Variants in ZNF337 observed in about 807,000 individuals in gnomAD.
ZNF337 encodes zinc finger protein 337.
In ZNF337, 8 loss-of-function variants were observed where a neutral mutation model predicts 12.1. The ratio of observed to expected loss-of-function variants is 0.66; its 90% CI spans 0.39 to 1.19. ZNF337 has a LOEUF of 1.19. ZNF337 is among the 50% of genes most tolerant of loss of function. The pLI is 0.01. For synonymous variants in ZNF337, 336 were observed against 320.0 expected (o/e 1.05, Z -0.53); for missense variants, 882 against 896.6 (o/e 0.98, Z 0.21).
chr20:25,677,370 AC>A (rs769086960), intron 4 of ZNF337: 7 of 224,234 alleles, frequency 3.1e-5, no homozygotes, highest in Non-Finnish European at 6.1e-5. Flanking sequence ...AAAAGATAAT[AC>A]ACCATGATCA....
chr20:25,676,278 A>G lies in ZNF337; in HGVS notation c.1010T>C (p.Val337Ala), dbSNP rs764440181. The change falls in exon 5 of 5, where the codon GTG (valine) becomes GCG (alanine). Residue 337 changes from valine to alanine, a missense_variant. Coordinates refer to ENST00000252979, the MANE Select transcript of ZNF337 (RefSeq NM_015655.4). Reference sequence around the variant, plus strand: ...CTCTCCTGAGTGTATTCTCTTGTGCACAACGAAGTATGACTTATTAGTATA... The same window carrying G: ...CTCTCCTGAGTGTATTCTCTTGTGCGCAACGAAGTATGACTTATTAGTATA... ...RGYTNKSYFV[V>A]HKRIHSGEKP... is the part of the protein sequence containing the mutation. 5.0e-6 allele frequency: 8 copies of G among 1,610,910 alleles called. No homozygotes were observed. The highest frequency in any genetic ancestry group is 5.9e-6 in the Non-Finnish European group (7 of 1,179,220).
In ZNF337 at chr20:25,686,059, G is replaced by A. The variant is rs1212183243; in HGVS notation, c.91C>T (p.Pro31Ser). 2 of 1,614,072 alleles carry A rather than the reference G, an allele frequency of 1.2e-6. No homozygotes were observed. The highest frequency in any genetic ancestry group is 1.7e-6 in the Non-Finnish European group (2 of 1,179,994). Residue 31 changes from proline to serine, a missense_variant, in exon 3 of 5, where the codon CCT becomes TCT. Physicochemically the swap from Pro to Ser is moderately conservative, Grantham distance 74. Transcript: ENST00000252979. The stretch of plus-strand genomic sequence containing the variant: ...TCCCTGTACAGGGCCCTCTGAGCAG[G>A]GCTCAGCAGCCTCCATTCCTTCTGG... ...FTQKEWRLLS[P>S]AQRALYREVT...
chr20:25,690,970 G>A (rs2065878156), intron 1 of ZNF337, among the ~76,000 whole-genome samples: 1 of 152,040 alleles, frequency 6.6e-6, no homozygotes, highest in African/African-American at 2.4e-5. Context: ...CCCAATAAGT[G>A]GAAGAAAATA....
intron 1 of ZNF337, chr20:25,686,832 G>A (rs1345875505): frequency 3.4e-5 from 7 of 206,804 alleles, no homozygotes; most frequent in Admixed American, 2.1e-4. Context: ...CTGTCTCCCC[G>A]GGTTTGAAGT....
chr20:25,676,221 C>T lies in ZNF337; in HGVS notation c.1067G>A (p.Gly356Asp). Residue 356 changes from glycine (G) to aspartate (D), a missense_variant, in exon 5 of 5, where the codon GGC becomes GAC. By Grantham distance (94) the Gly-to-Asp change is moderately conservative. Transcript: ENST00000252979. ...GATAAGGTGTGACTTATTGCTAAAG[C>T]CTCGGCCACACTCCTGGCATCTGTA... Reference protein sequence around the residue: ...KPYRCQECGRGFSNKSHLITH... With the variant: ...KPYRCQECGRDFSNKSHLITH... 6.2e-7 allele frequency: 1 copy of T among 1,614,172 alleles called. No individual in the cohort carries two copies. Among genetic ancestry groups the T allele is most frequent in the Non-Finnish European group, 8.5e-7 (1 of 1,180,048 alleles).
intron 1 of ZNF337, among the ~76,000 whole-genome samples, chr20:25,696,409 G>A (rs1296827234): frequency 6.6e-6 from 1 of 152,178 alleles, no homozygotes; most frequent in East Asian, 1.9e-4. Context: ...AGCTCGCTAG[G>A]CCGCTGGCCC....
intron 4 of ZNF337, 40 bp downstream of exon 4, chr20:25,685,527 G>T: frequency 1.3e-6 from 2 of 1,548,016 alleles, no homozygotes; most frequent in Non-Finnish European, 1.8e-6. Flanking sequence ...CCTGAAAGGC[G>T]GAGTGCCTTG....
At chr20:25,680,227 A>G (rs2065754484) in intron 4 of ZNF337, among the ~76,000 whole-genome samples, 1 of 152,196 alleles carries the variant, frequency 6.6e-6, no homozygotes, top group Non-Finnish European at 1.5e-5. Flanking sequence ...CAGTAGCGTG[A>G]CTATAGTTTA....
intron 1 of ZNF337, among the ~76,000 whole-genome samples, chr20:25,689,088 G>A (rs536901826): frequency 6.8e-6 from 1 of 146,774 alleles, no homozygotes; most frequent in Non-Finnish European, 1.5e-5. Context: ...AGTGAGCCGA[G>A]ATCGCGCCAC....
chr20:25,685,896 G>A (rs1230700867), intron 3 of ZNF337, 100 bp downstream of exon 3: 1 of 1,504,808 alleles, frequency 6.6e-7, no homozygotes, highest in African/African-American at 1.4e-5. Context: ...CCTTCCTCAG[G>A]GGAATAGAGA....
At chr20:25,695,920 T>C (rs995006698) in intron 1 of ZNF337, among the ~76,000 whole-genome samples, 1 of 152,156 alleles carries the variant, frequency 6.6e-6, no homozygotes, top group African/African-American at 2.4e-5. Context: ...CAGGACCTCT[T>C]GAGGCTGAAT....
Position 25,676,089 on chromosome 20 carries a change from C to T in ZNF337, c.1199G>A (p.Gly400Glu). The T allele has an allele frequency of 3.1e-6, 5 of 1,613,978 alleles. No homozygotes were observed. The highest frequency in any genetic ancestry group is 2.2e-5 in the South Asian group (2 of 91,072). Residue 400 changes from glycine (G) to glutamate (E), a missense_variant, in exon 5 of 5, where the codon GGG becomes GAG. Transcript: ENST00000252979. ...SLLRHQRTHS[G>E]EKPFVCKDCE... Reference sequence around the variant, plus strand: ...ATCCTTGCACACAAAAGGCTTCTCCCCTGAGTGTGTTCTCTGGTGTCTGAG... The same window carrying T: ...ATCCTTGCACACAAAAGGCTTCTCCTCTGAGTGTGTTCTCTGGTGTCTGAG...
Position 25,675,103 on chromosome 20 carries a change from T to C in ZNF337, c.2185A>G (p.Ser729Gly). 6 of 1,614,060 alleles carry C rather than the reference T, an allele frequency of 3.7e-6. No individual in the cohort carries two copies. The highest frequency in any genetic ancestry group is 5.1e-6 in the Non-Finnish European group (6 of 1,180,024). The part of the protein sequence containing the change: ...GRKFSNKSYY[S>G]KHLKRHLREK... Reference sequence around the variant, plus strand: ...CGTAAGTGTCTCTTTAAGTGCTTACTGTAGTATGACTTATTGCTAAACTTT... The same window carrying C: ...CGTAAGTGTCTCTTTAAGTGCTTACCGTAGTATGACTTATTGCTAAACTTT... The change falls in exon 5 of 5, where the codon AGT (serine) becomes GGT (glycine). Residue 729 changes from serine to glycine, a missense_variant. Transcript: ENST00000252979.
chr20:25,675,029 ACTT>A lies in ZNF337; in HGVS notation c.2256_*2del, dbSNP rs776471309. The A allele has an allele frequency of 6.2e-7, 1 of 1,606,882 alleles. No homozygotes were observed. The highest frequency in any genetic ancestry group is 8.5e-7 in the Non-Finnish European group (1 of 1,176,476). On this transcript the variant is annotated stop_lost and 3_prime_UTR_variant, in exon 5 of 5. Coordinates refer to ENST00000252979, the MANE Select transcript of ZNF337 (RefSeq NM_015655.4). ...GTCCTCTGATGGATGGTGAGATATA[ACTT>A]CAAGATGAAGCCTCACCCACACTCC... is the stretch of plus-strand genomic sequence containing the variant.
At chr20:25,689,514 G>A (rs1192131953) in intron 1 of ZNF337, among the ~76,000 whole-genome samples, 2 of 152,158 alleles carry the variant, frequency 1.3e-5, no homozygotes, top group Admixed American at 6.5e-5. Flanking sequence ...TTGTTGAAAT[G>A]TTCTGTATCT....
At chr20:25,693,958 TA>T (rs143372350) in intron 1 of ZNF337, among the ~76,000 whole-genome samples, 6 of 150,540 alleles carry the variant, frequency 4.0e-5, no homozygotes, top group African/African-American at 9.8e-5. Flanking sequence ...CTCTTCTTGT[TA>T]AAAAAAAAGG....
chr20:25,685,971 T>G (rs1410803455), intron 3 of ZNF337, 25 bp downstream of exon 3: 1 of 1,597,404 alleles, frequency 6.3e-7, no homozygotes, highest in East Asian at 2.2e-5. Flanking sequence ...GGCCAAATGT[T>G]AGGCTCGAGG....
At chr20:25,684,610 C>T (rs958348829) in intron 4 of ZNF337, among the ~76,000 whole-genome samples, 1 of 152,182 alleles carries the variant, frequency 6.6e-6, no homozygotes, top group Non-Finnish European at 1.5e-5. Context: ...TTTGACCCGG[C>T]AATGCCATTA....
At chr20:25,677,193 G>A (rs2065710044) in intron 4 of ZNF337, 156 bp from the exon 5 acceptor site, 4 of 673,440 alleles carry the variant, frequency 5.9e-6, no homozygotes, top group African/African-American at 5.4e-5. Context: ...AATTGAAGCA[G>A]GGCAGGGAGG....
Sources: allele counts gnomAD v4.1 joint callset (sites outside exome capture counted in the v4.1 genomes callset), GRCh38; gene constraint gnomAD v4.1.1; transcripts MANE v1.5; gene names NCBI Gene and HGNC (gene_info 2026-07-23, HGNC 2026-07-21).